ZNF423: variants seen among roughly 807,000 people sequenced by gnomAD.
ZNF423 encodes the protein Ebf-associated zinc finger protein.
Under a neutral mutation model 95.8 loss-of-function variants are expected in ZNF423, and 12 were observed. The observed-to-expected ratio is 0.13, with a 90% CI of 0.08 to 0.20. The LOEUF is 0.20. Ranked by LOEUF, ZNF423 falls within the 10% of genes least tolerant of loss-of-function variation. The probability of loss-of-function intolerance (pLI) is 1.00; values close to 1 mark genes in which losing one functional copy is unlikely to be tolerated. For synonymous variants in ZNF423, 749 were observed against 711.9 expected (o/e 1.05, Z -0.83); for missense variants, 1,316 against 1,737.1 (o/e 0.76, Z 4.31).
chr16:49,599,849 T>C (rs982709498), intron 5 of ZNF423, among the ~76,000 whole-genome samples: 1 of 152,114 alleles, frequency 6.6e-6, no homozygotes, highest in Non-Finnish European at 1.5e-5. Context: ...GTGATTGCCT[T>C]TGGTAGGGGT....
chr16:49,839,136 T>C (rs1257405085), intron 1 of ZNF423, among the ~76,000 whole-genome samples: 1 of 82,560 alleles, frequency 1.2e-5, no homozygotes, highest in Non-Finnish European at 2.3e-5. Context: ...CCCCTTCCCC[T>C]CCCCCGCGGT....
chr16:49,673,968 G>A (rs1447532620), intron 3 of ZNF423, among the ~76,000 whole-genome samples: 6 of 152,198 alleles, frequency 3.9e-5, no homozygotes. Context: ...CCTGAGACAT[G>A]AAGGCCTGCT....
intron 3 of ZNF423, among the ~76,000 whole-genome samples, chr16:49,699,988 C>T (rs1476333649): frequency 6.6e-6 from 1 of 152,072 alleles, no homozygotes; most frequent in Non-Finnish European, 1.5e-5. Context: ...AGTCTGCAGC[C>T]CTCAGAAGAC....
chr16:49,684,838 A>T (rs569173335), intron 3 of ZNF423, among the ~76,000 whole-genome samples: 1 of 152,186 alleles, frequency 6.6e-6, no homozygotes, highest in Admixed American at 6.5e-5. Flanking sequence ...GACATAAATG[A>T]GGGGGCCCTG....
chr16:49,853,564 G>A (rs988568290), intron 1 of ZNF423: 29 of 872,910 alleles, frequency 3.3e-5, no homozygotes, highest in East Asian at 1.2e-4. Flanking sequence ...TTACAACACC[G>A]AGTCTCGAAA....
At chr16:49,549,545 G>C (rs118160349) in intron 5 of ZNF423, among the ~76,000 whole-genome samples, 36 of 152,328 alleles carry the variant, frequency 2.4e-4, no homozygotes, top group Non-Finnish European at 1.5e-5. Flanking sequence ...TTGGCTGACC[G>C]AGAAGGTGAC....
At chr16:49,843,267 T>C (rs1377079241) in intron 1 of ZNF423, among the ~76,000 whole-genome samples, 1 of 152,212 alleles carries the variant, frequency 6.6e-6, no homozygotes, top group Non-Finnish European at 1.5e-5. Context: ...CAACTAAATG[T>C]TCACCAATGG....
chr16:49,516,005 G>A (rs1450985450), intron 7 of ZNF423, among the ~76,000 whole-genome samples: 10 of 152,144 alleles, frequency 6.6e-5, no homozygotes, highest in Admixed American at 6.5e-4. Context: ...TGACATTTGC[G>A]GGCTGTCTTG....
intron 2 of ZNF423, among the ~76,000 whole-genome samples, chr16:49,753,446 A>C (rs1321658413): frequency 6.9e-6 from 1 of 145,526 alleles, no homozygotes; most frequent in East Asian, 2.1e-4. Context: ...CAGAAAAAAA[A>C]AAAAAAATTA....
rs558020799 is a variant in ZNF423, at chr16:49,609,217, C to G, written c.3601+16953G>C. ...GGCAGTAGCAAGATGGCATCTGCACCCCTTCTGCACTGGAGTGGGGTCAAA... is the reference window on the plus strand; with the variant it reads ...GGCAGTAGCAAGATGGCATCTGCACGCCTTCTGCACTGGAGTGGGGTCAAA... On this transcript the variant is annotated intron_variant, in intron 5 of 7. Coordinates refer to ENST00000563137, the MANE Select transcript of ZNF423 (RefSeq NM_001379286.1). Among the ~76,000 whole-genome samples the G allele has an allele frequency of 8.5e-5, 13 of 152,228 alleles. No individual in the cohort carries two copies. In the South Asian group the frequency reaches 2.7e-3, roughly 32 times the overall value.
intron 2 of ZNF423, among the ~76,000 whole-genome samples, chr16:49,782,933 G>A (rs930109558): frequency 1.3e-5 from 2 of 150,190 alleles, no homozygotes; most frequent in African/African-American, 2.5e-5. Context: ...AGACCAACCT[G>A]GGCAACATAG....
At chr16:49,545,710 C>T (rs1174832915) in intron 5 of ZNF423, among the ~76,000 whole-genome samples, 1 of 152,224 alleles carries the variant, frequency 6.6e-6, no homozygotes, top group Non-Finnish European at 1.5e-5. Context: ...TGCTGAGCCA[C>T]AGTTCTGTCT....
intron 5 of ZNF423, among the ~76,000 whole-genome samples, chr16:49,548,704 C>T (rs1969525201): frequency 6.6e-6 from 1 of 152,106 alleles, no homozygotes; most frequent in Admixed American, 6.6e-5. Context: ...AAAGCCTTCC[C>T]CTGACATCGA....
intron 5 of ZNF423, among the ~76,000 whole-genome samples, chr16:49,597,099 G>A (rs1971206205): frequency 6.6e-6 from 1 of 152,190 alleles, no homozygotes; most frequent in Non-Finnish European, 1.5e-5. Flanking sequence ...AGGAGCAGCT[G>A]GCAAGATGGC....
chr16:49,817,654 C>T (rs2034877643), intron 1 of ZNF423, among the ~76,000 whole-genome samples: 1 of 151,874 alleles, frequency 6.6e-6, no homozygotes, highest in African/African-American at 2.4e-5. Flanking sequence ...GAGCTGAGAC[C>T]CTGAAGGTAG....
chr16:49,531,686 T>C (rs542896882), intron 5 of ZNF423, among the ~76,000 whole-genome samples: 3 of 151,284 alleles, frequency 2.0e-5, no homozygotes, highest in East Asian at 3.9e-4. Flanking sequence ...AAGGAGAGAG[T>C]GACATTTAGG....
intron 2 of ZNF423, among the ~76,000 whole-genome samples, chr16:49,732,419 T>C (rs1472243750): frequency 6.6e-6 from 1 of 152,226 alleles, no homozygotes. Flanking sequence ...TAAAAGTGTG[T>C]GTTGTCTCTT....
chr16:49,771,552 C>A (rs964578043), intron 2 of ZNF423, among the ~76,000 whole-genome samples: 1 of 152,032 alleles, frequency 6.6e-6, no homozygotes, highest in African/African-American at 2.4e-5. Context: ...GTGGGAGGGA[C>A]CCTGTTGGAG....
At chr16:49,643,124 G>A (rs897217402) in intron 3 of ZNF423, among the ~76,000 whole-genome samples, 6 of 152,008 alleles carry the variant, frequency 3.9e-5, no homozygotes, top group Non-Finnish European at 5.9e-5. Flanking sequence ...CCTGGCCCAA[G>A]GTTCTCCTCT....
Sources: gnomAD v4.1 joint callset for allele counts (sites outside exome capture counted in the v4.1 genomes callset) on GRCh38, gnomAD v4.1.1 for gene constraint, MANE v1.5 for transcripts, NCBI Gene and HGNC (gene_info 2026-07-23, HGNC 2026-07-21) for gene names.